The following TGIF1 variants were observed in gnomAD, a reference collection of about 807,000 sequenced individuals.
The protein encoded by TGIF1 is homeobox protein TGIF1.
Under a neutral mutation model 19.3 loss-of-function variants are expected in TGIF1, and 4 were observed. That is an observed-to-expected ratio of 0.21 (90% CI 0.10 to 0.47). The LOEUF (loss-of-function observed/expected upper bound fraction) is 0.47, where lower values mean the gene tolerates loss of function less well. Among genes scored for constraint, TGIF1 ranks in the 20% least tolerant of loss-of-function variants. The probability of loss-of-function intolerance (pLI) is 0.98; values close to 1 mark genes in which losing one functional copy is unlikely to be tolerated. For synonymous variants in TGIF1, 122 were observed against 129.3 expected (o/e 0.94, Z 0.38); for missense variants, 275 against 341.4 (o/e 0.81, Z 1.53).
intron 2 of TGIF1, among the ~76,000 whole-genome samples, chr18:3,425,088 G>A (rs879388671): frequency 3.9e-5 from 6 of 152,216 alleles, no homozygotes; most frequent in Admixed American, 1.3e-4. Context: ...CTAAAGTGGG[G>A]CAGTCTTGTG....
At chr18:3,448,583 G>GA (rs940883127), upstream of TGIF1, 10 of 985,296 alleles carry the variant, frequency 1.0e-5, no homozygotes, top group African/African-American at 1.0e-4. Context: ...AACCACAGAA[G>GA]AAAAAAATCG....
At chr18:3,447,636 G>A, upstream of TGIF1, 2 of 1,273,552 alleles carry the variant, frequency 1.6e-6, no homozygotes, top group African/African-American at 1.5e-5. Flanking sequence ...AGGCAGTGGG[G>A]GTGCATCTAC....
At chr18:3,441,768 A>C (rs974432837) in intron 2 of TGIF1, among the ~76,000 whole-genome samples, 2 of 152,202 alleles carry the variant, frequency 1.3e-5, no homozygotes, top group African/African-American at 2.4e-5. Flanking sequence ...TTTATCTCTG[A>C]TATGAAAAGC....
At chr18:3,443,178 A>T (rs77279711) in intron 2 of TGIF1, among the ~76,000 whole-genome samples, 4,118 of 152,290 alleles carry the variant, frequency 0.027, 166 homozygotes, top group African/African-American at 0.091. Context: ...TAATTGGCTG[A>T]TGCGCGTATT....
At chr18:3,448,549 C>G (rs753498857), upstream of TGIF1, 2 of 986,102 alleles carry the variant, frequency 2.0e-6, no homozygotes, top group Non-Finnish European at 2.4e-6. Flanking sequence ...GGTGTGTGTT[C>G]TCTTCTGTCC....
chr18:3,448,640 C>G (rs892279191), upstream of TGIF1: 7 of 983,466 alleles, frequency 7.1e-6, no homozygotes, highest in African/African-American at 1.2e-4. Flanking sequence ...CCTGTTGATT[C>G]ATTTTAGTCC....
chr18:3,421,136 G>A (rs1397964225), intron 2 of TGIF1, among the ~76,000 whole-genome samples: 4 of 151,862 alleles, frequency 2.6e-5, no homozygotes, highest in African/African-American at 9.7e-5. Flanking sequence ...TGTTTGTGGT[G>A]ATGCTGATGC....
rs1161857158 is a variant in TGIF1, at chr18:3,451,068, C to T, written c.16+563C>T. Among the ~76,000 whole-genome samples the T allele has an allele frequency of 2.0e-5, 3 of 151,890 alleles. No individual in the cohort carries two copies. The highest frequency in any genetic ancestry group is 1.3e-4 in the Admixed American group (2 of 15,240). ...GATCGAAGGAATGCGATTCTGGACC[C>T]CCTCATCGCCCTCGGGTGTAAACAG... On this transcript the variant is annotated intron_variant, in intron 1 of 2. Coordinates refer to ENST00000343820, the MANE Select transcript of TGIF1 (RefSeq NM_003244.4). The surrounding 1 kb of genome is among the most constrained non-coding windows in gnomAD (Gnocchi z 5.4).
intron 2 of TGIF1, among the ~76,000 whole-genome samples, chr18:3,432,948 G>A (rs56192462): frequency 3.1e-4 from 47 of 152,130 alleles, no homozygotes; most frequent in African/African-American, 1.1e-3. Context: ...TAGTAGAGAC[G>A]GGGTTTCTCC....
intron 2 of TGIF1, among the ~76,000 whole-genome samples, chr18:3,422,496 GA>G (rs1303636786): frequency 2.0e-5 from 3 of 151,144 alleles, no homozygotes; most frequent in Non-Finnish European, 4.4e-5. Context: ...TATTATTGAA[GA>G]AAGAAATTTT....
chr18:3,449,384 CGGCCGTCCCCGGG>C (rs2143289394), upstream of TGIF1: 1 of 985,462 alleles, frequency 1.0e-6, no homozygotes, highest in East Asian at 1.1e-4. Context: ...GGCGCGCGCC[CGGCCGTCCCCGGG>C]CAGAGACGTT....
rs757123252 is a variant in TGIF1 at position 3,457,480 on chromosome 18, C to T, written c.359C>T (p.Thr120Met). ...CGCCGTGGGGCCAAGATTTCTGAAA[C>T]GAGCTCTGTGGAGTCCGTGATGGGC... The part of the protein sequence containing the change: ...ISRRGAKISE[T>M]SSVESVMGIK... Residue 120 changes from threonine (T) to methionine (M), a missense_variant, in exon 3 of 3, where the codon ACG becomes ATG. Transcript: ENST00000343820. The surrounding 1 kb of genome is among the most constrained non-coding windows in gnomAD (Gnocchi z 4.9). 2.6e-5 allele frequency: 42 copies of T among 1,614,052 alleles called. No homozygotes were observed. The East Asian group carries it at 4.0e-4, about 15-fold the overall frequency.
At chr18:3,440,953 T>A (rs532256535) in intron 2 of TGIF1, among the ~76,000 whole-genome samples, 1 of 152,204 alleles carries the variant, frequency 6.6e-6, no homozygotes, top group Non-Finnish European at 1.5e-5. Context: ...GTTCTATACC[T>A]GGCTTTTAAA....
At position 3,457,900 on chromosome 18, in the gene TGIF1, G is replaced by A. The variant is rs138915638; in HGVS notation, c.779G>A (p.Arg260Gln). Residue 260 changes from arginine (R) to glutamine (Q), a missense_variant, in exon 3 of 3, where the codon CGG becomes CAG. Physicochemically the swap from Arg to Gln is conservative, Grantham distance 43 (BLOSUM62 1). Transcript: ENST00000343820. This position sits in a 1 kb window ranked among gnomAD's most constrained non-coding sequence, Gnocchi z 4.9. Reference sequence around the variant, plus strand: ...CTTCTAGTGGATGTTGCACTCAAACGGGCTGCAGAGATGGAGCTTCAGGCA... The same window carrying A: ...CTTCTAGTGGATGTTGCACTCAAACAGGCTGCAGAGATGGAGCTTCAGGCA... Reference protein sequence around the residue: ...FQLLVDVALKRAAEMELQAKL... With the variant: ...FQLLVDVALKQAAEMELQAKL... 22 of 1,602,060 alleles carry A rather than the reference G, an allele frequency of 1.4e-5. No individual in the cohort carries two copies. In the African/African-American group the frequency reaches 1.5e-4, roughly 11 times the overall value.
intron 2 of TGIF1, among the ~76,000 whole-genome samples, chr18:3,430,609 A>G (rs1361676073): frequency 1.3e-5 from 2 of 151,664 alleles, no homozygotes; most frequent in Non-Finnish European, 2.9e-5. Context: ...GGCTCAAGCA[A>G]TCCTCCCACC....
intron 2 of TGIF1, among the ~76,000 whole-genome samples, chr18:3,440,997 A>G (rs2082672572): frequency 6.6e-6 from 1 of 152,206 alleles, no homozygotes; most frequent in African/African-American, 2.4e-5. Flanking sequence ...TAATCTTTCC[A>G]TGTCAGTTCA....
intron 2 of TGIF1, among the ~76,000 whole-genome samples, chr18:3,444,869 T>C (rs2082720592): frequency 6.6e-6 from 1 of 152,178 alleles, no homozygotes; most frequent in Non-Finnish European, 1.5e-5. Context: ...TGTGATGTTA[T>C]GGAAGAAATA....
upstream of TGIF1, chr18:3,450,048 G>A: frequency 1.0e-6 from 1 of 994,760 alleles, no homozygotes; most frequent in Non-Finnish European, 1.2e-6. Context: ...CGCCGCGCTC[G>A]GTCCAGTCTT....
rs112625272 is a variant in TGIF1, at chr18:3,452,185, C to T, written c.16+1680C>T. 4.1e-5 allele frequency: 66 copies of T among 1,612,318 alleles called. 3 individuals are homozygous for T. Among genetic ancestry groups the T allele is most frequent in the African/African-American group, 3.9e-4 (29 of 74,734 alleles). ...CCCCCAGCGCCGTGGTCCTCCCTGG[C>T]GACCCCCTCTGCGCTCCTGGGGTCC... On this transcript the variant is annotated intron_variant, in intron 1 of 2. Transcript: ENST00000343820.
Sources: allele counts gnomAD v4.1 joint callset (sites outside exome capture counted in the v4.1 genomes callset), GRCh38; gene constraint gnomAD v4.1.1; non-coding constraint Gnocchi (gnomAD v3.1); transcripts MANE v1.5; gene names NCBI Gene and HGNC (gene_info 2026-07-23, HGNC 2026-07-21).